The following BCOR variants were observed in gnomAD, a reference collection of about 807,000 sequenced individuals.
BCOR encodes the protein BCL6 corepressor.
Under a neutral mutation model 86.7 loss-of-function variants are expected in BCOR, and 10 were observed. The ratio of observed to expected loss-of-function variants is 0.12; its 90% confidence interval spans 0.07 to 0.20. The LOEUF is 0.20. BCOR is among the 10% of genes least tolerant of loss of function. The pLI, the probability that BCOR is intolerant of heterozygous loss-of-function variation, is 1.00. For synonymous variants in BCOR, 611 were observed against 609.0 expected, an observed-to-expected ratio of 1.00 and a Z score of -0.05; for missense variants, 1,259 against 1,452.1, an observed-to-expected ratio of 0.87 and a Z score of 2.16.
chrX:40,054,464 T>C, intron 12 of BCOR, 131 bp from the exon 13 acceptor site: 1 of 506,567 alleles, frequency 2.0e-6, no homozygotes, highest in Non-Finnish European at 3.5e-6. Context: ...TTCCTCTTTC[T>C]CAGCAAAATA....
At chrX:40,087,528 T>C (rs1252549295) in intron 1 of BCOR, among the ~76,000 whole-genome samples, 1 of 112,117 alleles carries the variant, frequency 8.9e-6, no homozygotes, top group Non-Finnish European at 1.9e-5. Flanking sequence ...ACATACCCTG[T>C]TTTACCCTCT....
chrX:40,124,728 G>A (rs1199103510), intron 1 of BCOR, among the ~76,000 whole-genome samples: 1 of 109,414 alleles, frequency 9.1e-6, no homozygotes, highest in Non-Finnish European at 1.9e-5. Flanking sequence ...TCAGTCTCCC[G>A]AGTCGCTGGG....
At chrX:40,094,344 C>A (rs1032170222) in intron 1 of BCOR, among the ~76,000 whole-genome samples, 16 of 112,745 alleles carry the variant, frequency 1.4e-4, no homozygotes, top group Non-Finnish European at 3.0e-4. Context: ...CGCGGAGACC[C>A]TGCCCAGGTC....
chrX:40,146,880 G>A (rs865854780), intron 1 of BCOR, among the ~76,000 whole-genome samples: 16 of 112,377 alleles, frequency 1.4e-4, no homozygotes, highest in Admixed American at 2.8e-4. Context: ...CGCAGACACC[G>A]CTGTCAGCCC....
intron 1 of BCOR, among the ~76,000 whole-genome samples, chrX:40,139,468 T>TATATATATATATAATATATATAC (rs1937833519): frequency 1.5e-4 from 1 of 6,878 alleles, no homozygotes; most frequent in Non-Finnish European, 1.9e-4. Context: ...TATATATATA[T>TATATATATATATAATATATATAC]ATATATATAT....
chrX:40,102,373 T>G (rs926035579), upstream of BCOR, among the ~76,000 whole-genome samples: 2 of 113,031 alleles, frequency 1.8e-5, no homozygotes, highest in African/African-American at 6.4e-5. Flanking sequence ...GCAGGGTGGT[T>G]GGGTGTCGAC....
intron 12 of BCOR, among the ~76,000 whole-genome samples, chrX:40,054,673 T>C (rs1220848786): frequency 8.9e-6 from 1 of 111,760 alleles, no homozygotes; most frequent in Non-Finnish European, 1.9e-5. Flanking sequence ...CAGCTAATTT[T>C]TGTATTTTTA....
chrX:40,145,219 C>T (rs1938017428), intron 1 of BCOR, among the ~76,000 whole-genome samples: 1 of 111,497 alleles, frequency 9.0e-6, no homozygotes, highest in Non-Finnish European at 1.9e-5. Context: ...TGGCAGGTCC[C>T]AGAGCCGGCG....
intron 1 of BCOR, among the ~76,000 whole-genome samples, chrX:40,116,394 G>A (rs1482780910): frequency 9.1e-6 from 1 of 109,981 alleles, no homozygotes; most frequent in Non-Finnish European, 1.9e-5. Context: ...CTACTCGGGA[G>A]GCTGAGGCAG....
chrX:40,139,808 CAAA>C (rs5902253), intron 1 of BCOR, among the ~76,000 whole-genome samples: 3 of 83,058 alleles, frequency 3.6e-5, no homozygotes. Flanking sequence ...GAGACTGTCT[CAAA>C]AAAAAAAAAA....
chrX:40,063,846 G>C lies in BCOR; in HGVS notation c.3609C>G (p.Leu1203=), dbSNP rs780802565. 8.3e-7 allele frequency: 1 copy of C among 1,211,879 alleles called. No individual in the cohort carries two copies. The highest frequency in any genetic ancestry group is 3.0e-5 in the East Asian group (1 of 33,862). The change falls in exon 8 of 15, where the codon CTC becomes CTG. Residue 1203 remains leucine, a synonymous_variant. Coordinates refer to ENST00000378444, the MANE Select transcript of BCOR (RefSeq NM_001123385.2). ...GCAAGTGGCGTTGTTTTTTAGGATG[G>C]AGCCCTGTTAATTCAATGCACACCT... ...NLKVCIELTG[L]HPKKQRHLLH... is the part of the protein sequence containing the mutation.
At chrX:40,080,164 G>A (rs1936012746) in intron 1 of BCOR, among the ~76,000 whole-genome samples, 2 of 107,989 alleles carry the variant, frequency 1.9e-5, no homozygotes, top group South Asian at 4.1e-4. Context: ...GCCTCTGGCC[G>A]GGCATGATGG....
At chrX:40,156,882 C>T (rs1199880427) in intron 1 of BCOR, among the ~76,000 whole-genome samples, 2 of 113,876 alleles carry the variant, frequency 1.8e-5, no homozygotes, top group Non-Finnish European at 3.7e-5. Flanking sequence ...ACCGAACCAG[C>T]TCGGCCAGCC....
Position 40,164,007 on chromosome X carries a change from G to C in BCOR, c.-41+13000C>G, listed in dbSNP as rs142015954. Reference sequence around the variant, plus strand: ...CCACTGCACTCCAGCCTGGGCGACAGAGCAAGACTCCATCTCAGAAAAAAA... The same window carrying C: ...CCACTGCACTCCAGCCTGGGCGACACAGCAAGACTCCATCTCAGAAAAAAA... On this transcript the variant is annotated intron_variant, in intron 1 of 14. Coordinates refer to the BCOR transcript ENST00000342274. Among the ~76,000 whole-genome samples, 833 of 103,995 alleles carry C rather than the reference G, an allele frequency of 8.0e-3. 6 individuals carry two copies. The highest frequency in any genetic ancestry group is 0.029 in the African/African-American group (793 of 27,732). 90.3% of individuals were successfully genotyped at this position (103,995 alleles called of 115,157 possible). A position where few individuals can be genotyped will look rare whatever the true frequency, so the allele number is the denominator to read the frequency against.
chrX:40,092,503 T>C (rs1936668764), intron 1 of BCOR, among the ~76,000 whole-genome samples: 1 of 111,044 alleles, frequency 9.0e-6, no homozygotes, highest in Non-Finnish European at 1.9e-5. Flanking sequence ...ACCTCCCTTT[T>C]ATTCCTCCCA....
In BCOR at chrX:40,074,040, C is replaced by T. The variant is rs960778355; in HGVS notation, c.1306G>A (p.Val436Ile). 1.2e-5 allele frequency: 14 copies of T among 1,211,957 alleles called. No homozygotes were observed. In the Middle Eastern group the frequency reaches 6.9e-4, roughly 60 times the overall value. Reference protein sequence around the residue: ...LLEKQTVTKDVTDKPLDLSSK... With the variant: ...LLEKQTVTKDITDKPLDLSSK... ...GACAAGTCTAGTGGCTTATCTGTGA[C>T]GTCTTTGGTAACGGTCTGCTTCTCC... Residue 436 changes from valine to isoleucine, a missense_variant, in exon 4 of 15, where the codon GTC becomes ATC. Physicochemically the swap from Val to Ile is conservative, Grantham distance 29. This residue lies in a region of BCOR where 534 missense variants were observed against 594.8 expected (regional missense o/e 0.90). Coordinates refer to ENST00000378444, the MANE Select transcript of BCOR (RefSeq NM_001123385.2).
In BCOR at chrX:40,075,167, G is replaced by A. The variant is rs202121665; in HGVS notation, c.179C>T (p.Thr60Met). Residue 60 changes from threonine to methionine, a missense_variant, in exon 4 of 15, where the codon ACG becomes ATG. Coordinates refer to ENST00000378444, the MANE Select transcript of BCOR (RefSeq NM_001123385.2). Reference sequence around the variant, plus strand: ...TGCCAGGCCATCGATCCTATGGGCCGTGCTCGCATCCACCTTTGCAGAAGA... The same window carrying A: ...TGCCAGGCCATCGATCCTATGGGCCATGCTCGCATCCACCTTTGCAGAAGA... The part of the protein sequence containing the change: ...PLNHNVVDAS[T>M]AHRIDGLAAL... 8.9e-5 allele frequency: 107 copies of A among 1,205,399 alleles called. No individual in the cohort carries two copies. Among genetic ancestry groups the A allele is most frequent in the Non-Finnish European group, 1.1e-4 (96 of 893,485 alleles).
At chrX:40,153,112 G>C (rs900011343) in intron 1 of BCOR, among the ~76,000 whole-genome samples, 2 of 113,395 alleles carry the variant, frequency 1.8e-5, no homozygotes, top group African/African-American at 6.4e-5. Context: ...CGGAGCAGTC[G>C]GGGACGCCGC....
Position 40,062,812 on chromosome X carries a change from G to A in BCOR, c.4107C>T (p.Ile1369=), listed in dbSNP as rs1280360599. The change falls in exon 9 of 15, where the codon ATC becomes ATT. Residue 1369 remains isoleucine (I), a synonymous_variant. Coordinates refer to ENST00000378444, the MANE Select transcript of BCOR (RefSeq NM_001123385.2). ...GCAATCCCCGCCTGGACTCCTGAGGGATCAAGTGTTTGGTTTTGCACAGTC... is the reference window on the plus strand; with the variant it reads ...GCAATCCCCGCCTGGACTCCTGAGGAATCAAGTGTTTGGTTTTGCACAGTC... ...GKRLCKTKHL[I]PQESRRGLPL... The A allele has an allele frequency of 8.3e-7, 1 of 1,211,798 alleles. No homozygotes were observed. Among genetic ancestry groups the A allele is most frequent in the Non-Finnish European group, 1.1e-6 (1 of 895,463 alleles).
Sources: allele counts gnomAD v4.1 joint callset (sites outside exome capture counted in the v4.1 genomes callset), GRCh38; gene constraint gnomAD v4.1.1; regional missense constraint gnomAD v4.1.1; transcripts MANE v1.5; gene names NCBI Gene and HGNC (gene_info 2026-07-23, HGNC 2026-07-21).